Variants in EDNRB observed in about 807,000 individuals in gnomAD.
EDNRB encodes the protein endothelin receptor type B.
Under a neutral mutation model 46.4 loss-of-function variants are expected in EDNRB, and 18 were observed. That is an observed-to-expected ratio of 0.39 (90% CI 0.27 to 0.57). The LOEUF (loss-of-function observed/expected upper bound fraction) is 0.57, where lower values mean the gene tolerates loss of function less well. Ranked by LOEUF, EDNRB falls within the 20% of genes least tolerant of loss-of-function variation. EDNRB has a pLI of 0.61. For missense variants in EDNRB, 434 were observed against 537.5 expected, an observed-to-expected ratio of 0.81 and a Z score of 1.90; for synonymous variants, 213 against 204.9, an observed-to-expected ratio of 1.04 and a Z score of -0.34.
chr13:77,963,739 G>A (rs1881496535), intron 1 of EDNRB, among the ~76,000 whole-genome samples: 1 of 152,172 alleles, frequency 6.6e-6, no homozygotes, highest in Non-Finnish European at 1.5e-5. Context: ...AACACCAAAA[G>A]CAATGGCAAC....
chr13:77,974,778 G>T (rs1031539995), intron 1 of EDNRB, among the ~76,000 whole-genome samples: 1 of 152,078 alleles, frequency 6.6e-6, no homozygotes, highest in African/African-American at 2.4e-5. Context: ...TTGAAACAAG[G>T]GACCTTTCCA....
chr13:77,934,108 C>T (rs143282943), intron 1 of EDNRB, among the ~76,000 whole-genome samples: 14 of 152,150 alleles, frequency 9.2e-5, no homozygotes, highest in Middle Eastern at 3.4e-3. Context: ...GGAGAAGCAG[C>T]GTAAACCATC....
rs200016870 is a variant in EDNRB at position 77,896,613 on chromosome 13, G to A, written c.*1587C>T. ...GGGCATATTTTAAGACCGAGTTAAA[G>A]CTCTTGGGCCCAATTTATTTCGAAA... On this transcript the variant is annotated 3_prime_UTR_variant, in exon 7 of 7. Coordinates refer to ENST00000646607, the MANE Select transcript of EDNRB (RefSeq NM_001122659.3). 1.2e-5 allele frequency: 18 copies of A among 1,535,848 alleles called. No homozygotes were observed. Among genetic ancestry groups the A allele is most frequent in the Non-Finnish European group, 1.6e-5 (18 of 1,141,388 alleles).
intron 1 of EDNRB, among the ~76,000 whole-genome samples, chr13:77,938,555 C>T (rs899516523): frequency 2.0e-5 from 3 of 152,058 alleles, no homozygotes; most frequent in Non-Finnish European, 4.4e-5. Context: ...GGCAGGCGTC[C>T]CCGCGTGGTC....
chr13:77,899,864 A>G lies in EDNRB; in HGVS notation c.1189T>C (p.Phe397Leu). 6.2e-7 allele frequency: 1 copy of G among 1,611,110 alleles called. No individual in the cohort carries two copies. The highest frequency in any genetic ancestry group is 8.5e-7 in the Non-Finnish European group (1 of 1,178,178). ...YLVSKRFKNC[F>L]KSCLCCWCQS... is the part of the protein sequence containing the mutation. ...ATTTTGGGATAGTCTCTTACCTTAAAGCAGTTTTTGAATCTTTTGCTCACC... is the reference window on the plus strand; with the variant it reads ...ATTTTGGGATAGTCTCTTACCTTAAGGCAGTTTTTGAATCTTTTGCTCACC... Residue 397 changes from phenylalanine (F) to leucine (L), a missense_variant, in exon 6 of 7, where the codon TTT becomes CTT. By Grantham distance (22) the Phe-to-Leu change is conservative (BLOSUM62 0). Transcript: ENST00000646607.
At chr13:77,937,941 CTGTT>C (rs1291743855) in intron 1 of EDNRB, among the ~76,000 whole-genome samples, 7 of 152,222 alleles carry the variant, frequency 4.6e-5, no homozygotes, top group South Asian at 2.1e-4. Flanking sequence ...GGCATTTCGA[CTGTT>C]TGCACATTTT....
chr13:77,947,271 T>C (rs1240601786), intron 1 of EDNRB, among the ~76,000 whole-genome samples: 1 of 151,920 alleles, frequency 6.6e-6, no homozygotes, highest in Non-Finnish European at 1.5e-5. Flanking sequence ...AGATTTCCTA[T>C]TGGATGACCA....
At position 77,951,258 on chromosome 13, in the gene EDNRB, T is replaced by G. The variant is rs955130813; in HGVS notation, c.-52+24089A>C. 1.8e-4 allele frequency among the ~76,000 whole-genome samples: 27 copies of G among 152,220 alleles called. 1 individual carries two copies. The highest frequency in any genetic ancestry group is 6.3e-4 in the African/African-American group (26 of 41,558). ...CTAAGAAGGAAAGAAGTGTTTTTTT[T>G]GTTGTCGTTTTGTTTTGTTTTTTCA... is the stretch of plus-strand genomic sequence containing the variant. On this transcript the variant is annotated intron_variant, in intron 1 of 7. Coordinates refer to the EDNRB transcript ENST00000646948.
In EDNRB at chr13:77,969,881, G is replaced by C. The variant is rs745559036; in HGVS notation, c.-52+5466C>G. 2.6e-5 allele frequency among the ~76,000 whole-genome samples: 4 copies of C among 152,244 alleles called. No homozygotes were observed. The East Asian group carries it at 7.7e-4, about 29-fold the overall frequency. On this transcript the variant is annotated intron_variant, in intron 1 of 7. Transcript: ENST00000646948. ...AATGAGCAGCCAGAAATGTTTCTAC[G>C]AGGTCAGCTGCATTCCACCAACACC...
In EDNRB at chr13:77,918,547, T is replaced by A; in HGVS notation, c.27A>T (p.Gly9=). 6.3e-7 allele frequency: 1 copy of A among 1,597,246 alleles called. No homozygotes were observed. The highest frequency in any genetic ancestry group is 8.5e-7 in the Non-Finnish European group (1 of 1,174,382). Residue 9 remains glycine (G), a synonymous_variant, in exon 1 of 7, where the codon GGA becomes GGT. Coordinates refer to ENST00000646607, the MANE Select transcript of EDNRB (RefSeq NM_001122659.3). This position sits in a 1 kb window ranked among gnomAD's most constrained non-coding sequence, Gnocchi z 4.5. ...CAAGAACCAGCGCAACCAGGGCGCG[T>A]CCGCACAGACTTGGAGGCGGCTGCA... MQPPPSLC[G]RALVALVLAC...
At chr13:77,965,996 C>T (rs117693897) in intron 1 of EDNRB, among the ~76,000 whole-genome samples, 2,177 of 152,294 alleles carry the variant, frequency 0.014, 45 homozygotes, top group East Asian at 0.024. Flanking sequence ...TCCACCTCAG[C>T]CCCTCAGGTA....
intron 1 of EDNRB, among the ~76,000 whole-genome samples, chr13:77,927,858 AC>A (rs770976104): frequency 6.6e-6 from 1 of 152,158 alleles, no homozygotes; most frequent in Non-Finnish European, 1.5e-5. Context: ...CATGAGAGGG[AC>A]CTGGTGTGAG....
chr13:77,915,529 T>C (rs866822470), intron 1 of EDNRB, among the ~76,000 whole-genome samples: 5 of 152,202 alleles, frequency 3.3e-5, no homozygotes, highest in African/African-American at 9.7e-5. Flanking sequence ...TTCATTACTT[T>C]GTAGTGGTAT....
At chr13:77,970,782 G>T (rs537328655) in intron 1 of EDNRB, among the ~76,000 whole-genome samples, 19 of 151,760 alleles carry the variant, frequency 1.3e-4, no homozygotes, top group Admixed American at 9.8e-4. Context: ...TTTTTTTTAG[G>T]GTTCCAGTAC....
chr13:77,974,624 CT>C (rs1236531283), intron 1 of EDNRB, among the ~76,000 whole-genome samples: 58 of 127,836 alleles, frequency 4.5e-4, no homozygotes, highest in African/African-American at 1.9e-3. Context: ...GCCTCTCTCT[CT>C]CTCTCTCTCT....
At chr13:77,900,927 C>A in intron 4 of EDNRB, 131 bp downstream of exon 4, 1 of 1,115,522 alleles carries the variant, frequency 9.0e-7, no homozygotes, top group Non-Finnish European at 1.3e-6. Context: ...CTATTTAAAA[C>A]TACCAGAAAC....
intron 3 of EDNRB, among the ~76,000 whole-genome samples, chr13:77,901,643 G>C (rs1191689242): frequency 6.6e-6 from 1 of 151,894 alleles, no homozygotes; most frequent in Admixed American, 6.6e-5. Context: ...AAAAGGTCTA[G>C]GTTAACCATT....
At chr13:77,966,619 G>A (rs942022053) in intron 1 of EDNRB, among the ~76,000 whole-genome samples, 5 of 152,112 alleles carry the variant, frequency 3.3e-5, no homozygotes, top group South Asian at 2.1e-4. Flanking sequence ...AAATAAAAAC[G>A]TGGGAGAAAT....
chr13:77,958,296 C>G (rs1349371559), intron 1 of EDNRB, among the ~76,000 whole-genome samples: 1 of 152,152 alleles, frequency 6.6e-6, no homozygotes, highest in Admixed American at 6.5e-5. Context: ...AAAGCAGAAT[C>G]TTCAGGTTGT....
Sources: allele counts gnomAD v4.1 joint callset (sites outside exome capture counted in the v4.1 genomes callset), GRCh38; gene constraint gnomAD v4.1.1; non-coding constraint Gnocchi (gnomAD v3.1); transcripts MANE v1.5; gene names NCBI Gene and HGNC (gene_info 2026-07-23, HGNC 2026-07-21).